The following CSMD3 variants were observed in gnomAD, a reference collection of about 807,000 sequenced individuals.
CSMD3 encodes the protein CUB and sushi domain-containing protein 3.
Under a neutral mutation model 435.2 loss-of-function variants are expected in CSMD3, and 177 were observed. The ratio of observed to expected loss-of-function variants is 0.41; its 90% CI spans 0.36 to 0.46. CSMD3 has a LOEUF of 0.46. Among genes scored for constraint, CSMD3 ranks in the 20% least tolerant of loss-of-function variants. The probability of loss-of-function intolerance (pLI) is 0.34; values close to 1 mark genes in which losing one functional copy is unlikely to be tolerated. For missense variants in CSMD3, 4,265 were observed against 4,504.6 expected (o/e 0.95, Z 1.52); for synonymous variants, 1,656 against 1,520.5 (o/e 1.09, Z -2.07).
At chr8:113,325,988 T>C (rs1271093531) in intron 1 of CSMD3, among the ~76,000 whole-genome samples, 1 of 152,144 alleles carries the variant, frequency 6.6e-6, no homozygotes, top group Non-Finnish European at 1.5e-5. Flanking sequence ...TAAGAAGACA[T>C]CTTAAATTAT....
intron 1 of CSMD3, among the ~76,000 whole-genome samples, chr8:113,426,784 G>A (rs370923731): frequency 1.5e-4 from 22 of 151,386 alleles, no homozygotes; most frequent in African/African-American, 5.1e-4. Context: ...TGGAAAACCT[G>A]GCTGATGGCT....
intron 3 of CSMD3, among the ~76,000 whole-genome samples, chr8:113,175,217 G>C (rs1284367293): frequency 2.0e-5 from 3 of 151,524 alleles, no homozygotes; most frequent in African/African-American, 7.3e-5. Flanking sequence ...TTAATTTTTT[G>C]CCTAAACTTT....
Position 113,203,450 on chromosome 8 carries a change from T to C in CSMD3, c.515-29534A>G, listed in dbSNP as rs6985306. ...AGCCACCATGACCATCTAATTTTTT[T>C]TTTTAGAGATGGAGCCTCACTTTGT... is the stretch of plus-strand genomic sequence containing the variant. On this transcript the variant is annotated intron_variant, in intron 3 of 70. Coordinates refer to ENST00000297405, the MANE Select transcript of CSMD3 (RefSeq NM_198123.2). 3.0e-3 allele frequency among the ~76,000 whole-genome samples: 457 copies of C among 151,996 alleles called. 2 individuals are homozygous for C. The highest frequency in any genetic ancestry group is 9.3e-3 in the African/African-American group (385 of 41,474).
intron 5 of CSMD3, among the ~76,000 whole-genome samples, chr8:113,029,091 T>G (rs2086983622): frequency 6.6e-6 from 1 of 151,518 alleles, no homozygotes; most frequent in Non-Finnish European, 1.5e-5. Context: ...TAATGCTCAT[T>G]TATTATTCAA....
intron 22 of CSMD3, among the ~76,000 whole-genome samples, chr8:112,620,029 A>T (rs1220748588): frequency 6.6e-6 from 1 of 152,072 alleles, no homozygotes; most frequent in Non-Finnish European, 1.5e-5. Context: ...CCAGGGATGG[A>T]AGTGGAGTGG....
intron 24 of CSMD3, among the ~76,000 whole-genome samples, chr8:112,571,287 G>A (rs1252478333): frequency 3.9e-5 from 6 of 151,992 alleles, no homozygotes; most frequent in African/African-American, 9.7e-5. Flanking sequence ...GATTACAGGC[G>A]TGAGCCACCA....
intron 22 of CSMD3, among the ~76,000 whole-genome samples, chr8:112,616,027 C>T (rs974566505): frequency 3.9e-5 from 6 of 152,098 alleles, no homozygotes; most frequent in African/African-American, 1.4e-4. Context: ...TTGGGAACTT[C>T]ACTTTCATTA....
chr8:113,040,865 T>C (rs1296239387), intron 5 of CSMD3, among the ~76,000 whole-genome samples: 1 of 152,094 alleles, frequency 6.6e-6, no homozygotes, highest in Non-Finnish European at 1.5e-5. Context: ...GCTCCGCTTC[T>C]GGATTCCCCC....
chr8:112,392,855 CT>C (rs1471055006), intron 35 of CSMD3, among the ~76,000 whole-genome samples: 3 of 123,150 alleles, frequency 2.4e-5, no homozygotes, highest in African/African-American at 3.7e-5. Flanking sequence ...CAGATAGTTT[CT>C]TTTTTTTCTT....
At chr8:113,126,876 C>A (rs1378724370) in intron 4 of CSMD3, among the ~76,000 whole-genome samples, 1 of 151,928 alleles carries the variant, frequency 6.6e-6, no homozygotes, top group Non-Finnish European at 1.5e-5. Flanking sequence ...TACCATCAGC[C>A]TAAGTCAATC....
At chr8:113,418,471 G>T (rs557178693) in intron 1 of CSMD3, among the ~76,000 whole-genome samples, 1 of 152,070 alleles carries the variant, frequency 6.6e-6, no homozygotes, top group Non-Finnish European at 1.5e-5. Context: ...CAACTGTGAC[G>T]TGTATTGAAT....
chr8:112,578,301 C>T (rs989402090), intron 23 of CSMD3, among the ~76,000 whole-genome samples: 8 of 151,864 alleles, frequency 5.3e-5, no homozygotes, highest in African/African-American at 1.9e-4. Flanking sequence ...AGGGGCACAA[C>T]GAAGGACCAA....
At chr8:112,306,498 T>G (rs1171663807) in intron 50 of CSMD3, among the ~76,000 whole-genome samples, 2 of 152,202 alleles carry the variant, frequency 1.3e-5, no homozygotes, top group Admixed American at 6.5e-5. Context: ...TATATGAGAA[T>G]GCAAGTTAGG....
At chr8:112,952,333 C>G (rs535444025) in intron 8 of CSMD3, among the ~76,000 whole-genome samples, 2 of 151,770 alleles carry the variant, frequency 1.3e-5, no homozygotes, top group Non-Finnish European at 3.0e-5. Flanking sequence ...CATGCTTATA[C>G]TGACTTTGGG....
chr8:112,824,320 T>A (rs1168128778), intron 12 of CSMD3, among the ~76,000 whole-genome samples: 1 of 152,186 alleles, frequency 6.6e-6, no homozygotes, highest in Admixed American at 6.5e-5. Context: ...TTAGTATTGT[T>A]ACATGTGAAT....
intron 1 of CSMD3, among the ~76,000 whole-genome samples, chr8:113,322,690 G>A (rs1436837912): frequency 6.6e-6 from 1 of 152,072 alleles, no homozygotes. Context: ...CTAACATTTT[G>A]CCATATTGAC....
chr8:113,298,007 T>C (rs1370395093), intron 2 of CSMD3, among the ~76,000 whole-genome samples: 2 of 152,104 alleles, frequency 1.3e-5, no homozygotes, highest in East Asian at 3.8e-4. Context: ...ATATATTTAA[T>C]CAACAGGCTT....
chr8:112,323,276 T>C (rs183923770), intron 45 of CSMD3, among the ~76,000 whole-genome samples: 2 of 152,158 alleles, frequency 1.3e-5, no homozygotes, highest in East Asian at 3.9e-4. Flanking sequence ...TCTTCATCAA[T>C]CTCTACTAGT....
chr8:112,599,089 A>G (rs1401266250), intron 22 of CSMD3, among the ~76,000 whole-genome samples: 1 of 148,976 alleles, frequency 6.7e-6, no homozygotes, highest in African/African-American at 2.5e-5. Flanking sequence ...GGCAACCTAC[A>G]ACATGGGAGA....
Sources: allele counts gnomAD v4.1 joint callset (sites outside exome capture counted in the v4.1 genomes callset), GRCh38; gene constraint gnomAD v4.1.1; transcripts MANE v1.5; gene names NCBI Gene and HGNC (gene_info 2026-07-23, HGNC 2026-07-21).